The following ZNF536 variants were observed in gnomAD, a reference collection of about 807,000 sequenced individuals.
The protein encoded by ZNF536 is zinc finger protein 536.
Under a neutral mutation model 84.5 loss-of-function variants are expected in ZNF536, and 13 were observed. The ratio of observed to expected loss-of-function variants is 0.15; its 90% CI spans 0.10 to 0.24. The LOEUF (loss-of-function observed/expected upper bound fraction) is 0.24, where lower values mean the gene tolerates loss of function less well. ZNF536 is among the 10% of genes least tolerant of loss of function. The pLI, the probability that ZNF536 is intolerant of heterozygous loss-of-function variation, is 1.00. For missense variants in ZNF536, 1,536 were observed against 1,747.5 expected (o/e 0.88, Z 2.16); for synonymous variants, 811 against 742.5 (o/e 1.09, Z -1.50).
At chr19:30,316,076 C>T (rs531615134) in intron 2 of ZNF536, among the ~76,000 whole-genome samples, 1 of 152,288 alleles carries the variant, frequency 6.6e-6, no homozygotes, top group East Asian at 1.9e-4. Context: ...GCTTAAAATG[C>T]TGCAGTAAAC....
downstream of ZNF536, among the ~76,000 whole-genome samples, chr19:30,561,131 G>A (rs2046149132): frequency 6.6e-6 from 1 of 152,208 alleles, no homozygotes; most frequent in Admixed American, 6.5e-5. Context: ...AACATAATAT[G>A]CTCTCAATTA....
chr19:30,622,576 T>C (rs2048521977), intron 1 of ZNF536, among the ~76,000 whole-genome samples: 1 of 152,208 alleles, frequency 6.6e-6, no homozygotes, highest in South Asian at 2.1e-4. Context: ...TTTTTAAAAA[T>C]AGTCCCTCTA....
At chr19:30,484,910 G>T (rs181230596) in intron 2 of ZNF536, among the ~76,000 whole-genome samples, 2 of 151,956 alleles carry the variant, frequency 1.3e-5, no homozygotes, top group African/African-American at 4.8e-5. Context: ...TTGGGAGGCC[G>T]AGGAGGGTGG....
chr19:30,233,447 T>C (rs2023232608), intron 1 of ZNF536, among the ~76,000 whole-genome samples: 2 of 151,478 alleles, frequency 1.3e-5, no homozygotes, highest in African/African-American at 4.9e-5. Flanking sequence ...GTTCAAGAGA[T>C]CCTCCCACTT....
chr19:30,286,036 G>C (rs1044678179), intron 2 of ZNF536, among the ~76,000 whole-genome samples: 1 of 152,086 alleles, frequency 6.6e-6, no homozygotes, highest in Admixed American at 6.6e-5. Context: ...GACGACGCAG[G>C]GCATCCTTTC....
At chr19:30,572,850 A>G (rs538808841) in intron 1 of ZNF536, among the ~76,000 whole-genome samples, 1 of 152,308 alleles carries the variant, frequency 6.6e-6, no homozygotes, top group East Asian at 1.9e-4. Flanking sequence ...GAGACTAGAG[A>G]CAGTATCACA....
rs2148178535 is a variant in ZNF536 at position 30,444,309 on chromosome 19, C to A, written c.747C>A (p.Pro249=). ...CCCTGCAGGCTAACCACAGCGTTCCCGACGTGGCCCACCCGGTGCCCTCGC... is the reference window on the plus strand; with the variant it reads ...CCCTGCAGGCTAACCACAGCGTTCCAGACGTGGCCCACCCGGTGCCCTCGC... ...TLALQANHSV[P]DVAHPVPSPK... Residue 249 remains proline (P), a synonymous_variant, in exon 2 of 5, where the codon CCC becomes CCA. Coordinates refer to ENST00000355537, the MANE Select transcript of ZNF536 (RefSeq NM_014717.3). 2 of 1,583,852 alleles carry A rather than the reference C, an allele frequency of 1.3e-6. No homozygotes were observed. The highest frequency in any genetic ancestry group is 2.3e-5 in the East Asian group (1 of 43,896).
chr19:30,401,255 G>A (rs1304848512), intron 1 of ZNF536, among the ~76,000 whole-genome samples: 1 of 152,088 alleles, frequency 6.6e-6, no homozygotes, highest in Non-Finnish European at 1.5e-5. Flanking sequence ...ACGAGATGGA[G>A]TCTCACTCTG....
chr19:30,571,467 G>T (rs1568565184), intron 1 of ZNF536, among the ~76,000 whole-genome samples: 2 of 152,176 alleles, frequency 1.3e-5, no homozygotes, highest in African/African-American at 4.8e-5. Flanking sequence ...GAGCAATCAT[G>T]CCCCCTTCAT....
intron 2 of ZNF536, among the ~76,000 whole-genome samples, chr19:30,287,660 GGATGGGTGGGTGGA>G (rs1394328070): frequency 0.037 from 3,727 of 101,800 alleles, 335 homozygotes; most frequent in African/African-American, 0.15. Flanking sequence ...GTGGGTGGAT[GGATGGGTGGGTGGA>G]TGGATGGATG....
chr19:30,257,932 T>C (rs1236860397), intron 1 of ZNF536, among the ~76,000 whole-genome samples: 2 of 152,200 alleles, frequency 1.3e-5, no homozygotes, highest in East Asian at 1.9e-4. Context: ...CTGGTCAACA[T>C]TGAGTACACA....
chr19:30,389,427 T>G (rs1186718760), intron 1 of ZNF536, among the ~76,000 whole-genome samples: 1 of 152,022 alleles, frequency 6.6e-6, no homozygotes, highest in African/African-American at 2.4e-5. Flanking sequence ...AAAAAAAAAT[T>G]CCCTTTTTGC....
At chr19:30,493,599 C>A (rs1341153930) in intron 2 of ZNF536, among the ~76,000 whole-genome samples, 2 of 152,116 alleles carry the variant, frequency 1.3e-5, no homozygotes, top group Admixed American at 6.5e-5. Context: ...CAGTCTTCCC[C>A]ATCACTCGGG....
At chr19:30,240,322 A>G (rs2023847841) in intron 1 of ZNF536, among the ~76,000 whole-genome samples, 1 of 152,096 alleles carries the variant, frequency 6.6e-6, no homozygotes, top group Non-Finnish European at 1.5e-5. Flanking sequence ...GCAGTGAGCC[A>G]AGATCGTGTC....
In ZNF536 at chr19:30,427,260, G is replaced by A. The variant is rs571433483; in HGVS notation, c.-2-16301G>A. Among the ~76,000 whole-genome samples, 4 of 152,308 alleles carry A rather than the reference G, an allele frequency of 2.6e-5. No individual in the cohort carries two copies. The East Asian group carries it at 7.7e-4, about 29-fold the overall frequency. The stretch of plus-strand genomic sequence containing the variant: ...GGAACATCTCTGTGCAAGGACAGAA[G>A]GTGTGGACAACTCTCATTCATGGGA... On this transcript the variant is annotated intron_variant, in intron 1 of 4. Transcript: ENST00000355537.
intron 1 of ZNF536, among the ~76,000 whole-genome samples, chr19:30,690,872 C>T (rs4805597): frequency 0.1 from 15,414 of 152,262 alleles, 1,094 homozygotes; most frequent in East Asian, 0.34. Flanking sequence ...TCCTCCCCTG[C>T]AAACAACATG....
At chr19:30,433,096 T>C (rs551511779) in intron 1 of ZNF536, among the ~76,000 whole-genome samples, 1 of 152,288 alleles carries the variant, frequency 6.6e-6, no homozygotes, top group Admixed American at 6.5e-5. Context: ...CTCCTCTCTG[T>C]CCCCTGAGCA....
upstream of ZNF536, among the ~76,000 whole-genome samples, chr19:30,367,514 C>T (rs371877175): frequency 1.5e-4 from 23 of 152,266 alleles, 1 homozygote; most frequent in East Asian, 9.7e-4. Context: ...CACACCTGCA[C>T]GCCCCATGCA....
intron 2 of ZNF536, among the ~76,000 whole-genome samples, chr19:30,449,711 C>T (rs917640549): frequency 8.5e-5 from 13 of 152,236 alleles, no homozygotes; most frequent in South Asian, 2.1e-4. Context: ...ATGAAAATAT[C>T]GTTAACCCCT....
Sources: allele counts gnomAD v4.1 joint callset (sites outside exome capture counted in the v4.1 genomes callset), GRCh38; gene constraint gnomAD v4.1.1; transcripts MANE v1.5; gene names NCBI Gene and HGNC (gene_info 2026-07-23, HGNC 2026-07-21).